The following TJP1 variants were observed in gnomAD, a reference collection of about 807,000 sequenced individuals.
TJP1 encodes tight junction protein 1.
TJP1 carries 43 observed loss-of-function variants against 194.2 expected under a neutral mutation model. The observed-to-expected ratio is 0.22, with a 90% CI of 0.17 to 0.29. The LOEUF is 0.29. Ranked by LOEUF, TJP1 falls within the 10% of genes least tolerant of loss-of-function variation. The probability of loss-of-function intolerance (pLI) is 1.00; values close to 1 mark genes in which losing one functional copy is unlikely to be tolerated. For synonymous variants in TJP1, 801 were observed against 779.0 expected (o/e 1.03, Z -0.47); for missense variants, 1,971 against 2,185.7 (o/e 0.90, Z 1.96).
chr15:29,939,877 G>T (rs2055008819), intron 2 of TJP1, among the ~76,000 whole-genome samples: 1 of 152,096 alleles, frequency 6.6e-6, no homozygotes, highest in African/African-American at 2.4e-5. Context: ...CCTGATCTTG[G>T]TCATCCCAGA....
At chr15:29,725,914 T>A (rs2043209998) in intron 18 of TJP1, among the ~76,000 whole-genome samples, 1 of 151,990 alleles carries the variant, frequency 6.6e-6, no homozygotes, top group Non-Finnish European at 1.5e-5. Flanking sequence ...TCGTGAGGGG[T>A]CTAGGGTTTA....
intron 8 of TJP1, among the ~76,000 whole-genome samples, chr15:29,750,339 G>A (rs761839220): frequency 6.6e-5 from 10 of 151,868 alleles, no homozygotes; most frequent in African/African-American, 2.2e-4. Context: ...GGGTTTCACC[G>A]TGTTGCCCAG....
At chr15:29,792,747 A>G (rs1285531481) in intron 2 of TJP1, among the ~76,000 whole-genome samples, 2 of 152,176 alleles carry the variant, frequency 1.3e-5, no homozygotes, top group Non-Finnish European at 2.9e-5. Flanking sequence ...ATGACCATGG[A>G]GTATCTTTCC....
chr15:29,925,208 T>C (rs909488174), intron 2 of TJP1, among the ~76,000 whole-genome samples: 1 of 152,242 alleles, frequency 6.6e-6, no homozygotes, highest in Non-Finnish European at 1.5e-5. Flanking sequence ...TTACACTTTC[T>C]GCAGGCTGGG....
intron 2 of TJP1, among the ~76,000 whole-genome samples, chr15:29,944,895 A>G (rs183596632): frequency 6.6e-6 from 1 of 152,364 alleles, no homozygotes; most frequent in Admixed American, 6.5e-5. Flanking sequence ...TGTATTAAAT[A>G]TCAGCAAATG....
chr15:29,903,326 T>C (rs1244227251), intron 2 of TJP1, among the ~76,000 whole-genome samples: 4 of 152,240 alleles, frequency 2.6e-5, no homozygotes, highest in African/African-American at 7.2e-5. Context: ...TATAATATCA[T>C]GTAATATTTA....
rs946754854 is a variant in TJP1, at chr15:29,732,908, A to G, written c.1737-93T>C. 16 of 1,301,302 alleles carry G rather than the reference A, an allele frequency of 1.2e-5. No homozygotes were observed. The African/African-American group carries it at 1.9e-4, about 16-fold the overall frequency. 80.6% of individuals were successfully genotyped at this position (1,301,302 alleles called of 1,614,324 possible). Reference sequence around the variant, plus strand: ...AAATGAAATATACAATACTGGATGGAAGTTCACATACAGTTTAAATCTTAA... The same window carrying G: ...AAATGAAATATACAATACTGGATGGGAGTTCACATACAGTTTAAATCTTAA... On this transcript the variant is annotated intron_variant, in intron 13 of 27. Coordinates refer to ENST00000614355, the MANE Select transcript of TJP1 (RefSeq NM_001330239.4).
intron 2 of TJP1, among the ~76,000 whole-genome samples, chr15:29,908,449 G>A (rs2053900552): frequency 6.6e-6 from 1 of 152,108 alleles, no homozygotes; most frequent in Non-Finnish European, 1.5e-5. Context: ...CTATCAAGTG[G>A]GCAGGTGATA....
intron 1 of TJP1, among the ~76,000 whole-genome samples, chr15:29,816,953 G>A (rs947550844): frequency 2.0e-5 from 3 of 152,100 alleles, no homozygotes; most frequent in Non-Finnish European, 4.4e-5. Context: ...AGCTAAAATT[G>A]ACAAATGGGA....
chr15:29,848,179 A>T (rs1430291960), intron 2 of TJP1, among the ~76,000 whole-genome samples: 1 of 151,970 alleles, frequency 6.6e-6, no homozygotes, highest in Non-Finnish European at 1.5e-5. Flanking sequence ...GAAAAAAAAA[A>T]AGTTTCTGCT....
At chr15:29,896,040 A>G (rs1416758246) in intron 2 of TJP1, among the ~76,000 whole-genome samples, 1 of 152,154 alleles carries the variant, frequency 6.6e-6, no homozygotes, top group Non-Finnish European at 1.5e-5. Flanking sequence ...GGCTCCACTC[A>G]TGACCTAATC....
Position 29,718,562 on chromosome 15 carries a change from G to C in TJP1, c.3580C>G (p.Gln1194Glu). 3 of 1,614,118 alleles carry C rather than the reference G, an allele frequency of 1.9e-6. No homozygotes were observed. Among genetic ancestry groups the C allele is most frequent in the Non-Finnish European group, 1.7e-6 (2 of 1,180,020 alleles). The change falls in exon 21 of 28, where the codon CAA becomes GAA. Residue 1194 changes from glutamine to glutamate, a missense_variant. By Grantham distance (29) the Gln-to-Glu change is conservative (BLOSUM62 2). Coordinates refer to ENST00000614355, the MANE Select transcript of TJP1 (RefSeq NM_001330239.4). ...KPAESKQYFEQYSRSYEQVPP... is the reference protein window; with the variant it reads ...KPAESKQYFEEYSRSYEQVPP... ...ACTTGCTCGTAACTGCGTGAATATT[G>C]CTCAAAATACTGCTTGGACTCTGCA...
At chr15:29,810,306 A>AAGG (rs1257866496) in intron 1 of TJP1, among the ~76,000 whole-genome samples, 2 of 152,224 alleles carry the variant, frequency 1.3e-5, no homozygotes, top group Non-Finnish European at 2.9e-5. Flanking sequence ...TATTCCCCAC[A>AAGG]TCCACTTTTC....
chr15:29,857,104 G>T (rs1221662127), intron 2 of TJP1, among the ~76,000 whole-genome samples: 1 of 151,702 alleles, frequency 6.6e-6, no homozygotes, highest in Non-Finnish European at 1.5e-5. Context: ...GGGGGTCCTG[G>T]GACAATCCCC....
At chr15:29,706,679 G>A (rs2041920640) in intron 25 of TJP1, among the ~76,000 whole-genome samples, 1 of 151,914 alleles carries the variant, frequency 6.6e-6, no homozygotes, top group Admixed American at 6.6e-5. Context: ...GTTGTTTTTT[G>A]AAATGGAGTG....
intron 2 of TJP1, among the ~76,000 whole-genome samples, chr15:29,934,892 A>T (rs1450883636): frequency 6.6e-6 from 1 of 152,238 alleles, no homozygotes; most frequent in Non-Finnish European, 1.5e-5. Flanking sequence ...GATTTACAAA[A>T]TGTTTAACAA....
At chr15:29,827,302 G>A (rs953982834), upstream of TJP1, among the ~76,000 whole-genome samples, 2 of 152,212 alleles carry the variant, frequency 1.3e-5, no homozygotes, top group Admixed American at 6.5e-5. Flanking sequence ...AGGGCATTCA[G>A]GTCAGGAGGT....
chr15:29,954,330 A>C (rs1740403269), intron 2 of TJP1, among the ~76,000 whole-genome samples: 1 of 152,200 alleles, frequency 6.6e-6, no homozygotes, highest in African/African-American at 2.4e-5. Context: ...TCCACCAACC[A>C]GAATGATTCT....
intron 2 of TJP1, among the ~76,000 whole-genome samples, chr15:29,832,245 G>A (rs986870528): frequency 6.6e-6 from 1 of 152,146 alleles, no homozygotes; most frequent in Admixed American, 6.5e-5. Flanking sequence ...CACAGGAGAA[G>A]TTCAGACTAG....
Sources: gnomAD v4.1 joint callset for allele counts (sites outside exome capture counted in the v4.1 genomes callset) on GRCh38, gnomAD v4.1.1 for gene constraint, MANE v1.5 for transcripts, NCBI Gene and HGNC (gene_info 2026-07-23, HGNC 2026-07-21) for gene names.